IKZF2: variants seen among roughly 807,000 people sequenced by gnomAD.
The protein encoded by IKZF2 is zinc finger protein Helios.
A neutral mutation model predicts 49.2 loss-of-function variants in IKZF2; 15 were observed. That is an observed-to-expected ratio of 0.30 (90% CI 0.20 to 0.47). The LOEUF (loss-of-function observed/expected upper bound fraction) is 0.47, where lower values mean the gene tolerates loss of function less well. IKZF2 is among the 20% of genes least tolerant of loss of function. The pLI is 1.00. For synonymous variants in IKZF2, 227 were observed against 221.4 expected (o/e 1.03, Z -0.23); for missense variants, 567 against 664.6 (o/e 0.85, Z 1.61).
At position 213,101,063 on chromosome 2, in the gene IKZF2, C is replaced by T. The variant is rs145058605; in HGVS notation, c.140-43964G>A. The stretch of plus-strand genomic sequence containing the variant: ...AGAGAGAGAGAGAGAAGAGACAACC[C>T]TTTGTTGACTAAACAAAATCACCTA... On this transcript the variant is annotated intron_variant, in intron 4 of 8. Transcript: ENST00000434687. Among the ~76,000 whole-genome samples, 874 of 151,870 alleles carry T rather than the reference C, an allele frequency of 5.8e-3. 11 individuals are homozygous for T. The highest frequency in any genetic ancestry group is 0.02 in the African/African-American group (842 of 41,484).
At position 213,036,701 on chromosome 2, in the gene IKZF2, C is replaced by T. The variant is rs546151596; in HGVS notation, c.574+13012G>A. On this transcript the variant is annotated intron_variant, in intron 6 of 8. Transcript: ENST00000434687. ...ACTCCACTCTGATAGATTTCTGATA[C>T]CTTACATAAAACTTTAATTATATTC... Among the ~76,000 whole-genome samples the T allele has an allele frequency of 5.3e-5, 8 of 152,150 alleles. No individual in the cohort carries two copies. In the South Asian group the frequency reaches 1.7e-3, roughly 32 times the overall value.
chr2:213,135,789 TGAAAAGAAAA>T (rs549217035), intron 4 of IKZF2, among the ~76,000 whole-genome samples: 1 of 148,854 alleles, frequency 6.7e-6, no homozygotes, highest in Non-Finnish European at 1.5e-5. Flanking sequence ...AGACAAGAGA[TGAAAAGAAAA>T]GAAAAGAATA....
At chr2:213,019,259 T>C (rs1696940070) in intron 7 of IKZF2, among the ~76,000 whole-genome samples, 1 of 152,192 alleles carries the variant, frequency 6.6e-6, no homozygotes, top group African/African-American at 2.4e-5. Context: ...AATCATTTCA[T>C]GGAGCTAATG....
At chr2:213,020,223 G>T (rs1468521695) in intron 7 of IKZF2, among the ~76,000 whole-genome samples, 1 of 152,090 alleles carries the variant, frequency 6.6e-6, no homozygotes, top group East Asian at 1.9e-4. Context: ...AATTTAAATA[G>T]TAACAGTGTA....
rs1553539345 is a variant in IKZF2 at position 213,005,191 on chromosome 2, T to TTGG, written c.*2168_*2169insCCA. Reference sequence around the variant, plus strand: ...CAATTATTATTTGGGAGTGGTTGGGTGGGGGGGGGTGAGCGAGTCTCAAAA... The same window carrying TTGG: ...CAATTATTATTTGGGAGTGGTTGGGTTGGGGGGGGGGGTGAGCGAGTCTCAAAA... On this transcript the variant is annotated 3_prime_UTR_variant, in exon 9 of 9. Coordinates refer to ENST00000434687, the MANE Select transcript of IKZF2 (RefSeq NM_001387220.1). 2 of 76,786 alleles carry TTGG rather than the reference T, an allele frequency of 2.6e-5. No individual in the cohort carries two copies. 4.8% of individuals were successfully genotyped at this position (76,786 alleles called of 1,614,324 possible). A position where few individuals can be genotyped will look rare whatever the true frequency, so the allele number is the denominator to read the frequency against.
intron 4 of IKZF2, among the ~76,000 whole-genome samples, chr2:213,084,545 A>G (rs950738757): frequency 6.6e-6 from 1 of 151,880 alleles, no homozygotes; most frequent in African/African-American, 2.4e-5. Flanking sequence ...GTCTACAAAA[A>G]GGTTTCTGAA....
intron 6 of IKZF2, among the ~76,000 whole-genome samples, chr2:213,040,981 G>A (rs1251010776): frequency 6.6e-6 from 1 of 151,976 alleles, no homozygotes; most frequent in Admixed American, 6.6e-5. Flanking sequence ...AGTTGGGCGT[G>A]GTGGTGCACG....
At chr2:213,071,771 C>T (rs1026014768) in intron 4 of IKZF2, among the ~76,000 whole-genome samples, 5 of 152,098 alleles carry the variant, frequency 3.3e-5, no homozygotes, top group Admixed American at 1.3e-4. Flanking sequence ...GTTGAAGATA[C>T]ATGTCAGTAT....
chr2:213,016,919 C>A (rs937454983), intron 7 of IKZF2: 2 of 152,110 alleles, frequency 1.3e-5, no homozygotes, highest in Admixed American at 6.6e-5. Flanking sequence ...CAGCTACATG[C>A]AACAGGAAAG....
intron 4 of IKZF2, among the ~76,000 whole-genome samples, chr2:213,110,675 G>A (rs965197152): frequency 1.8e-4 from 28 of 152,002 alleles, no homozygotes; most frequent in Admixed American, 1.4e-3. Context: ...AGATAAATTT[G>A]TAGAAACAGG....
intron 4 of IKZF2, among the ~76,000 whole-genome samples, chr2:213,141,818 A>G (rs1490535960): frequency 6.6e-6 from 1 of 151,996 alleles, no homozygotes; most frequent in African/African-American, 2.4e-5. Flanking sequence ...TCACCTTACA[A>G]TACCTGGCAC....
At position 213,013,837 on chromosome 2, in the gene IKZF2, C is replaced by A; in HGVS notation, c.810G>T (p.Thr270=). ...FERPAVIEKL[T]GNMGKRKSST... ...AGCTTTTACGTTTTCCCATATTCCC[C>A]GTGAGCTTCTCTATGACAGCAGGTC... Residue 270 remains threonine (T), a synonymous_variant, in exon 8 of 9, where the codon ACG becomes ACT. Transcript: ENST00000434687. 6.2e-7 allele frequency: 1 copy of A among 1,611,854 alleles called. No homozygotes were observed. The highest frequency in any genetic ancestry group is 8.5e-7 in the Non-Finnish European group (1 of 1,178,438).
intron 4 of IKZF2, among the ~76,000 whole-genome samples, chr2:213,122,932 A>C (rs1007301901): frequency 2.0e-5 from 3 of 152,210 alleles, no homozygotes; most frequent in African/African-American, 7.2e-5. Flanking sequence ...GTGAGTCACC[A>C]TCCTAACGAT....
At chr2:213,101,488 T>G (rs972684084) in intron 4 of IKZF2, among the ~76,000 whole-genome samples, 4 of 152,056 alleles carry the variant, frequency 2.6e-5, no homozygotes, top group Non-Finnish European at 2.9e-5. Context: ...ATATACAAAT[T>G]TCCTTCACAT....
chr2:213,026,283 G>C (rs1697812840), intron 6 of IKZF2, among the ~76,000 whole-genome samples: 1 of 151,992 alleles, frequency 6.6e-6, no homozygotes, highest in Non-Finnish European at 1.5e-5. Context: ...ATTTTAACGT[G>C]ATCTTTCTCA....
intron 4 of IKZF2, among the ~76,000 whole-genome samples, chr2:213,090,902 G>A (rs868526100): frequency 5.3e-5 from 8 of 152,158 alleles, no homozygotes; most frequent in African/African-American, 1.7e-4. Context: ...GAACTGTGAG[G>A]CAATAAACTT....
chr2:213,124,225 C>T (rs1165434328), intron 4 of IKZF2, among the ~76,000 whole-genome samples: 3 of 147,182 alleles, frequency 2.0e-5, no homozygotes, highest in African/African-American at 5.1e-5. Context: ...TCCTTGTGTG[C>T]ACGCACACAT....
intron 7 of IKZF2, among the ~76,000 whole-genome samples, chr2:213,020,929 GT>G (rs1400025119): frequency 1.3e-5 from 2 of 152,076 alleles, no homozygotes; most frequent in East Asian, 3.8e-4. Context: ...AGATATACAA[GT>G]GGCCAGGTGC....
At chr2:213,062,126 T>G (rs1036218486) in intron 4 of IKZF2, among the ~76,000 whole-genome samples, 1 of 151,624 alleles carries the variant, frequency 6.6e-6, no homozygotes, top group Non-Finnish European at 1.5e-5. Flanking sequence ...AGATAATAAA[T>G]TCTACCCTCA....
Sources: gnomAD v4.1 joint callset for allele counts (sites outside exome capture counted in the v4.1 genomes callset) on GRCh38, gnomAD v4.1.1 for gene constraint, MANE v1.5 for transcripts, NCBI Gene and HGNC (gene_info 2026-07-23, HGNC 2026-07-21) for gene names.